GSPT1: variants seen among roughly 807,000 people sequenced by gnomAD.
GSPT1 encodes the protein G1 to S phase transition 1, also known as eukaryotic peptide chain release factor GTP-binding subunit ERF3A.
In GSPT1, 20 loss-of-function variants were observed where a neutral mutation model predicts 72.5. The ratio of observed to expected loss-of-function variants is 0.28; its 90% confidence interval spans 0.19 to 0.40. GSPT1 has a LOEUF of 0.40. Ranked by LOEUF, GSPT1 falls within the 10% of genes least tolerant of loss-of-function variation. The pLI, the probability that GSPT1 is intolerant of heterozygous loss-of-function variation, is 1.00. For synonymous variants in GSPT1, 334 were observed against 293.5 expected (o/e 1.14, Z -1.41); for missense variants, 580 against 811.9 (o/e 0.71, Z 3.47).
rs775275711 is a variant in GSPT1, at chr16:11,870,470, G to C, written c.*2649C>G. ...AGCAACGTTAGAGAACAAATGCTTA[G>C]GTAATACCCTAAATATGCAGCCAAC... On this transcript the variant is annotated 3_prime_UTR_variant, in exon 15 of 15. Transcript: ENST00000434724. The C allele has an allele frequency of 6.6e-6, 1 of 152,194 alleles. No homozygotes were observed. The highest frequency in any genetic ancestry group is 2.4e-5 in the African/African-American group (1 of 41,448). The allele number at this position is 152,194 out of a possible 1,614,324, so 9.4% of individuals were successfully genotyped here.
intron 9 of GSPT1, among the ~76,000 whole-genome samples, chr16:11,885,580 A>G (rs915321954): frequency 6.6e-6 from 1 of 152,056 alleles, no homozygotes; most frequent in Non-Finnish European, 1.5e-5. Flanking sequence ...AGATTCTATA[A>G]AATAATTTCC....
intron 10 of GSPT1, among the ~76,000 whole-genome samples, chr16:11,883,356 A>G (rs910987601): frequency 1.3e-5 from 2 of 151,100 alleles, no homozygotes; most frequent in Non-Finnish European, 2.9e-5. Context: ...GCTCAAGCCT[A>G]TAATCCCAAC....
At chr16:11,889,496 C>T (rs1298226826) in intron 6 of GSPT1, among the ~76,000 whole-genome samples, 1 of 150,684 alleles carries the variant, frequency 6.6e-6, no homozygotes, top group East Asian at 2.0e-4. Context: ...CACCACCACG[C>T]CCGGCTACTT....
At chr16:11,914,687 G>T (rs778237388) in intron 1 of GSPT1, among the ~76,000 whole-genome samples, 10 of 152,248 alleles carry the variant, frequency 6.6e-5, no homozygotes, top group Non-Finnish European at 1.5e-4. Context: ...AATCAATATA[G>T]TCTCCTATCA....
chr16:11,895,777 C>T lies in GSPT1; in HGVS notation c.664+781G>A, dbSNP rs557356865. 1.7e-4 allele frequency among the ~76,000 whole-genome samples: 26 copies of T among 152,286 alleles called. No individual in the cohort carries two copies. The East Asian group carries it at 4.3e-3, about 25-fold the overall frequency. ...GAGTAGCTGGGATTACAGGCTCATGCCACCACACCTGGCTAATTTTTGTAT... is the reference window on the plus strand; with the variant it reads ...GAGTAGCTGGGATTACAGGCTCATGTCACCACACCTGGCTAATTTTTGTAT... On this transcript the variant is annotated intron_variant, in intron 4 of 14. Coordinates refer to ENST00000434724, the MANE Select transcript of GSPT1 (RefSeq NM_002094.4).
In GSPT1 at chr16:11,894,805, A is replaced by C. The variant is rs937497675; in HGVS notation, c.698+149T>G. The C allele has an allele frequency of 5.4e-6, 3 of 553,464 alleles. No individual in the cohort carries two copies. The African/African-American group carries it at 5.7e-5, about 11-fold the overall frequency. 34.3% of individuals were successfully genotyped at this position (553,464 alleles called of 1,614,324 possible). ...ACACCAGGCCAAAAATCACTTCTTAACATCAGTATTGTGTCCCAGTAATTT... is the reference window on the plus strand; with the variant it reads ...ACACCAGGCCAAAAATCACTTCTTACCATCAGTATTGTGTCCCAGTAATTT... On this transcript the variant is annotated intron_variant, in intron 5 of 14. Coordinates refer to ENST00000434724, the MANE Select transcript of GSPT1 (RefSeq NM_002094.4).
intron 10 of GSPT1, 137 bp downstream of exon 10, chr16:11,885,044 G>A: frequency 1.9e-6 from 1 of 536,564 alleles, no homozygotes; most frequent in Non-Finnish European, 3.4e-6. Context: ...CTCCAGCCTG[G>A]GGGACAGAGT....
At chr16:11,896,238 A>G (rs1194239041) in intron 4 of GSPT1, among the ~76,000 whole-genome samples, 4 of 152,200 alleles carry the variant, frequency 2.6e-5, no homozygotes, top group African/African-American at 4.8e-5. Flanking sequence ...GGTTCACATA[A>G]AAAAGGGCAC....
At chr16:11,906,266 A>G (rs747481138) in intron 1 of GSPT1, among the ~76,000 whole-genome samples, 2 of 152,096 alleles carry the variant, frequency 1.3e-5, no homozygotes, top group Non-Finnish European at 2.9e-5. Flanking sequence ...CATTTCCATT[A>G]GGGCTCAAGA....
chr16:11,905,644 G>A (rs538290088), intron 1 of GSPT1, among the ~76,000 whole-genome samples: 2 of 152,248 alleles, frequency 1.3e-5, no homozygotes, highest in African/African-American at 4.8e-5. Flanking sequence ...AGACCAGCCT[G>A]GCCAACGTGG....
At position 11,870,081 on chromosome 16, in the gene GSPT1, C is replaced by T. The variant is rs1430681584; in HGVS notation, c.*3038G>A. The T allele has an allele frequency of 1.3e-5, 2 of 151,532 alleles. No individual in the cohort carries two copies. The highest frequency in any genetic ancestry group is 1.5e-5 in the Non-Finnish European group (1 of 67,938). The allele number at this position is 151,532 out of a possible 1,614,324, so 9.4% of individuals were successfully genotyped here. ...ACTGTTAGAGTTTAGGAACTTTTGA[C>T]ATTCGGTTATCACATATTTCAAAGA... On this transcript the variant is annotated 3_prime_UTR_variant, in exon 15 of 15. Coordinates refer to ENST00000434724, the MANE Select transcript of GSPT1 (RefSeq NM_002094.4).
intron 11 of GSPT1, chr16:11,882,513 A>G (rs139937796): frequency 6.5e-6 from 1 of 152,982 alleles, no homozygotes; most frequent in East Asian, 1.9e-4. Flanking sequence ...TAGCATGGTA[A>G]ATAAATTCTC....
chr16:11,884,636 C>T (rs1404737496), intron 10 of GSPT1, among the ~76,000 whole-genome samples: 6 of 152,006 alleles, frequency 3.9e-5, no homozygotes, highest in Admixed American at 3.9e-4. Context: ...CGGTGGCACA[C>T]GCCTGTAGTC....
At chr16:11,893,545 A>G (rs774681701) in intron 5 of GSPT1, among the ~76,000 whole-genome samples, 44 of 152,318 alleles carry the variant, frequency 2.9e-4, no homozygotes, top group Admixed American at 7.8e-4. Flanking sequence ...ATGAGATAAT[A>G]ATTTCAAAAT....
intron 1 of GSPT1, among the ~76,000 whole-genome samples, chr16:11,910,601 T>C (rs1035696543): frequency 6.6e-6 from 1 of 152,226 alleles, no homozygotes; most frequent in Non-Finnish European, 1.5e-5. Context: ...TCCTTTCTCT[T>C]CAACCAGAAA....
rs768214275 is a variant in GSPT1, at chr16:11,875,852, T to C, written c.1770A>G (p.Val590=). ...CTGCTGTCCTTAAGCGAGCAATGCA[T>C]ACTTGATCTTGTTTGACAAAACGGG... ...TRPRFVKQDQ[V]CIARLRTAGT... The change falls in exon 14 of 15, where the codon GTA becomes GTG. Residue 590 remains valine, a synonymous_variant. Coordinates refer to ENST00000434724, the MANE Select transcript of GSPT1 (RefSeq NM_002094.4). The C allele has an allele frequency of 5.6e-6, 9 of 1,613,636 alleles. No individual in the cohort carries two copies. The highest frequency in any genetic ancestry group is 3.3e-5 in the South Asian group (3 of 91,046).
At chr16:11,902,780 G>A (rs1322984712) in intron 1 of GSPT1, among the ~76,000 whole-genome samples, 3 of 151,862 alleles carry the variant, frequency 2.0e-5, no homozygotes, top group African/African-American at 4.8e-5. Context: ...AGAGACGGGG[G>A]TTTCACGATG....
At chr16:11,903,182 T>C (rs1030589444) in intron 1 of GSPT1, among the ~76,000 whole-genome samples, 28 of 152,120 alleles carry the variant, frequency 1.8e-4, no homozygotes, top group African/African-American at 6.8e-4. Context: ...TATGTGGTGT[T>C]TGTGTTGCTT....
chr16:11,885,258 G>C lies in GSPT1; in HGVS notation c.1270C>G (p.Pro424Ala). Residue 424 changes from proline to alanine, a missense_variant, in exon 10 of 15, where the codon CCA becomes GCA. By Grantham distance (27) the Pro-to-Ala change is conservative (BLOSUM62 -1). Around this residue, in one of 6 missense-constraint regions of GSPT1, gnomAD observed 45 missense variants for 43.0 expected, o/e 1.05. Transcript: ENST00000434724. ...AAGTTCGGCAAATTATCCAGATATG[G>C]AATAAACGGTAATCCACTGAGAACA... is the stretch of plus-strand genomic sequence containing the variant. ...CPWYIGLPFI[P>A]YLDNLPNFNR... The C allele has an allele frequency of 6.4e-7, 1 of 1,556,316 alleles. No individual in the cohort carries two copies. Among genetic ancestry groups the C allele is most frequent in the Admixed American group, 1.7e-5 (1 of 59,892 alleles).
Sources: gnomAD v4.1 joint callset for allele counts (sites outside exome capture counted in the v4.1 genomes callset) on GRCh38, gnomAD v4.1.1 for gene constraint, gnomAD v4.1.1 regional missense constraint, MANE v1.5 for transcripts, NCBI Gene and HGNC (gene_info 2026-07-23, HGNC 2026-07-21) for gene names.